Variants in NCOA2 observed in about 807,000 individuals in gnomAD.
NCOA2 encodes the protein class E basic helix-loop-helix protein 75.
In NCOA2, 21 loss-of-function variants were observed where a neutral mutation model predicts 145.1. That is an observed-to-expected ratio of 0.14 (90% CI 0.10 to 0.21). The LOEUF (loss-of-function observed/expected upper bound fraction) is 0.21. Ranked by LOEUF, NCOA2 falls within the 10% of genes least tolerant of loss-of-function variation. NCOA2 has a pLI of 1.00. For missense variants in NCOA2, 1,472 were observed against 1,837.6 expected, an observed-to-expected ratio of 0.80 and a Z score of 3.64; for synonymous variants, 619 against 637.5, an observed-to-expected ratio of 0.97 and a Z score of 0.44.
intron 2 of NCOA2, among the ~76,000 whole-genome samples, chr8:70,237,954 G>T (rs1005592807): frequency 1.3e-5 from 2 of 152,080 alleles, no homozygotes; most frequent in African/African-American, 4.8e-5. Flanking sequence ...ATAACCAGGG[G>T]ATTTTAGGTG....
intron 6 of NCOA2, among the ~76,000 whole-genome samples, chr8:70,168,074 C>T (rs1375952182): frequency 8.5e-5 from 13 of 152,134 alleles, no homozygotes; most frequent in Non-Finnish European, 7.3e-5. Flanking sequence ...CTAATATATT[C>T]TCCAGTCATC....
intron 1 of NCOA2, among the ~76,000 whole-genome samples, chr8:70,376,369 G>GCACACA (rs146722946): frequency 3.2e-4 from 47 of 147,316 alleles, no homozygotes; most frequent in African/African-American, 9.6e-4. Flanking sequence ...ACACACACAC[G>GCACACA]CACACACACA....
intron 2 of NCOA2, chr8:70,273,518 G>A: frequency 2.9e-6 from 2 of 684,080 alleles, no homozygotes; most frequent in South Asian, 3.1e-5. Flanking sequence ...AAAGAAGTTA[G>A]AAATCTCTGG....
chr8:70,381,316 A>G (rs1812172533), intron 1 of NCOA2, among the ~76,000 whole-genome samples: 1 of 152,202 alleles, frequency 6.6e-6, no homozygotes, highest in Non-Finnish European at 1.5e-5. Flanking sequence ...TAACAACAGA[A>G]TATTAAAATG....
At chr8:70,424,162 T>A in the NCOA2 span, 1 of 229,458 alleles carries the variant, frequency 4.4e-6, no homozygotes, top group African/African-American at 2.3e-5. Context: ...ATGGCCACAG[T>A]GGCCAGTGGT....
chr8:70,372,523 T>A lies in NCOA2; in HGVS notation c.-77+31177A>T, dbSNP rs1024101710. ...CAAATGCTCATTTTAAATTATTTTA[T>A]GATTCAGCCTAGGTCATATTGTGTG... On this transcript the variant is annotated intron_variant, in intron 1 of 22. Coordinates refer to ENST00000452400, the MANE Select transcript of NCOA2 (RefSeq NM_006540.4). Among the ~76,000 whole-genome samples the A allele has an allele frequency of 1.1e-3, 161 of 152,324 alleles. 1 individual carries two copies. The highest frequency in any genetic ancestry group is 3.7e-3 in the African/African-American group (154 of 41,572).
In NCOA2 at chr8:70,341,764, A is replaced by C. The variant is rs561437629; in HGVS notation, c.-76-44964T>G. Among the ~76,000 whole-genome samples the C allele has an allele frequency of 1.1e-4, 17 of 152,240 alleles. 1 individual carries two copies. Among genetic ancestry groups the C allele is most frequent in the Non-Finnish European group, 2.4e-4 (16 of 68,038 alleles). On this transcript the variant is annotated intron_variant, in intron 1 of 22. Transcript: ENST00000452400. Reference sequence around the variant, plus strand: ...TAACAAAATATAACGGATAAGCTATATAATCTTCCATAATATTGGAAGATA... The same window carrying C: ...TAACAAAATATAACGGATAAGCTATCTAATCTTCCATAATATTGGAAGATA...
chr8:70,364,304 T>G (rs1328878038), intron 1 of NCOA2, among the ~76,000 whole-genome samples: 2 of 151,900 alleles, frequency 1.3e-5, no homozygotes, highest in African/African-American at 4.8e-5. Flanking sequence ...ATTCTTCAAA[T>G]ACAGTATGTG....
chr8:70,227,526 A>T (rs900580256), intron 2 of NCOA2, among the ~76,000 whole-genome samples: 2 of 152,192 alleles, frequency 1.3e-5, no homozygotes, highest in African/African-American at 4.8e-5. Flanking sequence ...AGAAGGAAAA[A>T]TCTAGTTTGG....
chr8:70,248,843 A>G (rs1822846979), intron 2 of NCOA2, among the ~76,000 whole-genome samples: 1 of 151,130 alleles, frequency 6.6e-6, no homozygotes, highest in South Asian at 2.1e-4. Flanking sequence ...TGCAGAACCC[A>G]CCAATACAGA....
intron 15 of NCOA2, among the ~76,000 whole-genome samples, chr8:70,133,200 C>CTTTTTTTTTTTTTTTTTTTTTTTTTTTTT (rs57813061): frequency 9.3e-5 from 10 of 106,970 alleles, no homozygotes; most frequent in African/African-American, 3.6e-4. Context: ...CTGGCTGCTA[C>CTTTTTTTTTTTTTTTTTTTTTTTTTTTTT]TTTTTTTTTT....
chr8:70,441,324 G>C, the NCOA2 span, among the ~76,000 whole-genome samples: 3 of 133,670 alleles, frequency 2.2e-5, no homozygotes, highest in Non-Finnish European at 4.8e-5. Context: ...GGAAAGGAGA[G>C]AGAAAGAAAG....
intron 21 of NCOA2, among the ~76,000 whole-genome samples, chr8:70,123,309 G>A (rs1185760456): frequency 6.6e-6 from 1 of 152,144 alleles, no homozygotes; most frequent in Non-Finnish European, 1.5e-5. Flanking sequence ...AGGTAGTTTG[G>A]CCTTTGCTTT....
intron 2 of NCOA2, among the ~76,000 whole-genome samples, chr8:70,231,131 T>C (rs971311273): frequency 6.6e-6 from 1 of 152,226 alleles, no homozygotes; most frequent in Non-Finnish European, 1.5e-5. Context: ...ATTTATGTAC[T>C]GTCAAACTGT....
At chr8:70,327,734 ATAT>A (rs1806722528) in intron 1 of NCOA2, among the ~76,000 whole-genome samples, 1 of 152,176 alleles carries the variant, frequency 6.6e-6, no homozygotes, top group African/African-American at 2.4e-5. Flanking sequence ...CACACAGTAG[ATAT>A]TATGATTAAA....
At chr8:70,310,420 T>C (rs140465125) in intron 1 of NCOA2, among the ~76,000 whole-genome samples, 10 of 151,832 alleles carry the variant, frequency 6.6e-5, no homozygotes, top group African/African-American at 1.7e-4. Flanking sequence ...GAAGTGAAGA[T>C]TGAATCAAAA....
At chr8:70,438,099 G>A in the NCOA2 span, among the ~76,000 whole-genome samples, 4 of 152,134 alleles carry the variant, frequency 2.6e-5, no homozygotes, top group Admixed American at 2.6e-4. Flanking sequence ...TCCTTCAATG[G>A]CCTAATATCT....
At chr8:70,455,377 A>T in the NCOA2 span, among the ~76,000 whole-genome samples, 1 of 152,378 alleles carries the variant, frequency 6.6e-6, no homozygotes, top group East Asian at 1.9e-4. Flanking sequence ...AAGCTTTACC[A>T]AATAGTATTC....
chr8:70,336,927 G>A (rs771570361), intron 1 of NCOA2, among the ~76,000 whole-genome samples: 5 of 152,010 alleles, frequency 3.3e-5, no homozygotes, highest in Admixed American at 6.6e-5. Flanking sequence ...ACTCTGGAGG[G>A]GCCATGTGAA....
Sources: gnomAD v4.1 joint callset for allele counts (sites outside exome capture counted in the v4.1 genomes callset) on GRCh38, gnomAD v4.1.1 for gene constraint, MANE v1.5 for transcripts, NCBI Gene and HGNC (gene_info 2026-07-23, HGNC 2026-07-21) for gene names.